The following ATP8B1 variants were observed in gnomAD, a reference collection of about 807,000 sequenced individuals.
The protein encoded by ATP8B1 is ATPase phospholipid transporting 8B1, also known as phospholipid-transporting ATPase IC.
Under a neutral mutation model 149.9 loss-of-function variants are expected in ATP8B1, and 80 were observed. The ratio of observed to expected loss-of-function variants is 0.53; its 90% confidence interval spans 0.45 to 0.64. The LOEUF is 0.64. ATP8B1 is among the 30% of genes least tolerant of loss of function. The probability of loss-of-function intolerance (pLI) is 0.00; values close to 1 mark genes in which losing one functional copy is unlikely to be tolerated. For missense variants in ATP8B1, 1,247 were observed against 1,552.6 expected (o/e 0.80, Z 3.31); for synonymous variants, 536 against 562.8 (o/e 0.95, Z 0.67).
chr18:57,674,199 T>A (rs1911433267), intron 16 of ATP8B1, among the ~76,000 whole-genome samples: 1 of 124,832 alleles, frequency 8.0e-6, no homozygotes, highest in Admixed American at 1.1e-4. Context: ...TGACCTGAGA[T>A]CGCACCACTG....
In ATP8B1 at chr18:57,802,421, A is replaced by C. The variant is rs1168864861; in HGVS notation, c.-26+577T>G. Among the ~76,000 whole-genome samples the C allele has an allele frequency of 6.6e-6, 1 of 152,146 alleles. No homozygotes were observed. Among genetic ancestry groups the C allele is most frequent in the Non-Finnish European group, 1.5e-5 (1 of 68,034 alleles). ...CCCCATCCCACAATAAAGCGCACGG[A>C]AGATGTCTGGGAGTACCTGGCCCTG... On this transcript the variant is annotated intron_variant, in intron 1 of 27. Coordinates refer to ENST00000648908, the MANE Select transcript of ATP8B1 (RefSeq NM_001374385.1). This position sits in a 1 kb window ranked among gnomAD's most constrained non-coding sequence, Gnocchi z 4.9.
At chr18:57,721,195 G>C (rs2123071831) in intron 2 of ATP8B1, among the ~76,000 whole-genome samples, 1 of 133,850 alleles carries the variant, frequency 7.5e-6, no homozygotes, top group East Asian at 2.3e-4. Flanking sequence ...CAACTAACGA[G>C]CAAAATCACC....
intron 1 of ATP8B1, among the ~76,000 whole-genome samples, chr18:57,777,601 C>T (rs951824166): frequency 4.6e-5 from 7 of 152,192 alleles, no homozygotes; most frequent in Non-Finnish European, 1.0e-4. Context: ...CAGGGTCTCA[C>T]TCTGTTGCCC....
chr18:57,750,256 G>C (rs2080003826), intron 1 of ATP8B1, among the ~76,000 whole-genome samples: 1 of 152,044 alleles, frequency 6.6e-6, no homozygotes, highest in Non-Finnish European at 1.5e-5. Flanking sequence ...AAAAGAAAAA[G>C]AATAAACTAG....
Position 57,684,049 on chromosome 18 carries a change from C to T in ATP8B1, c.1617G>A (p.Val539=). ...AGAAACACTCACCATCAGTCCTATCCACCATGACTGTGTGGCAAACTGCGA... is the reference window on the plus strand; with the variant it reads ...AGAAACACTCACCATCAGTCCTATCTACCATGACTGTGTGGCAAACTGCGA... The part of the protein sequence containing the change: ...FLLAVCHTVM[V]DRTDGQLNYQ... The change falls in exon 15 of 28, where the codon GTG becomes GTA. Residue 539 remains valine (V), a synonymous_variant. Coordinates refer to ENST00000648908, the MANE Select transcript of ATP8B1 (RefSeq NM_001374385.1). 6.2e-7 allele frequency: 1 copy of T among 1,614,140 alleles called. No homozygotes were observed. Among genetic ancestry groups the T allele is most frequent in the East Asian group, 2.2e-5 (1 of 44,872 alleles).
At position 57,695,280 on chromosome 18, in the gene ATP8B1, T is replaced by C; in HGVS notation, c.831A>G (p.Gly277=). The C allele has an allele frequency of 1.9e-6, 3 of 1,612,464 alleles. No homozygotes were observed. The highest frequency in any genetic ancestry group is 2.2e-5 in the South Asian group (2 of 91,044). The change falls in exon 10 of 28, where the codon GGA becomes GGG. Residue 277 remains glycine, a synonymous_variant. Coordinates refer to ENST00000648908, the MANE Select transcript of ATP8B1 (RefSeq NM_001374385.1). ...AACTTGTGTTTCTCCAAAATAGTGT[T>C]CCTGTAAACTTATCTAGTCTGTTAT... The part of the protein sequence containing the change: ...EPNNRLDKFT[G]TLFWRNTSFP...
At chr18:57,655,104 T>C (rs1033456323) in intron 23 of ATP8B1, 90 bp downstream of exon 23, 15 of 1,231,078 alleles carry the variant, frequency 1.2e-5, no homozygotes, top group Non-Finnish European at 1.6e-5. Flanking sequence ...ACTACAAATA[T>C]AGAAGAAATA....
rs759929934 is a variant in ATP8B1 at position 57,697,827 on chromosome 18, C to T, written c.595G>A (p.Val199Ile). 1.4e-5 allele frequency: 23 copies of T among 1,613,768 alleles called. No homozygotes were observed. Among genetic ancestry groups the T allele is most frequent in the South Asian group, 5.5e-5 (5 of 91,076 alleles). The change falls in exon 7 of 28, where the codon GTC (valine) becomes ATC (isoleucine). Residue 199 changes from valine (V) to isoleucine (I), a missense_variant. Coordinates refer to ENST00000648908, the MANE Select transcript of ATP8B1 (RefSeq NM_001374385.1). Reference protein sequence around the residue: ...AKWKEIQVGDVIRLKKNDFVP... With the variant: ...AKWKEIQVGDIIRLKKNDFVP... The stretch of plus-strand genomic sequence containing the variant: ...AAATCATTTTTTTTCAGACGAATGA[C>T]GTCTCCAACTTGAATTTCTTTCCAC...
chr18:57,678,586 CA>C (rs371560119), intron 15 of ATP8B1, among the ~76,000 whole-genome samples: 23,091 of 107,496 alleles, frequency 0.21, 2,378 homozygotes, highest in Non-Finnish European at 0.26. Flanking sequence ...GATTCTATCT[CA>C]AAAAAAAAAA....
At chr18:57,789,645 C>T (rs1395350372) in intron 1 of ATP8B1, among the ~76,000 whole-genome samples, 1 of 152,132 alleles carries the variant, frequency 6.6e-6, no homozygotes, top group Non-Finnish European at 1.5e-5. Context: ...GCCCCTTTCC[C>T]ACATCTGAGA....
rs1208379752 is a variant in ATP8B1, at chr18:57,709,960, T to C, written c.182-3373A>G. 2.0e-5 allele frequency among the ~76,000 whole-genome samples: 3 copies of C among 151,828 alleles called. No individual in the cohort carries two copies. In the South Asian group the frequency reaches 6.2e-4, roughly 32 times the overall value. ...CTCCCAAAGTGCTGGGATTACAGGC[T>C]TGAGTCACCATGCCTGGCCACTTTT... On this transcript the variant is annotated intron_variant, in intron 2 of 27. Coordinates refer to ENST00000648908, the MANE Select transcript of ATP8B1 (RefSeq NM_001374385.1).
chr18:57,694,739 A>G, intron 10 of ATP8B1, 69 bp from the exon 11 acceptor site: 2 of 1,095,898 alleles, frequency 1.8e-6, no homozygotes. Context: ...CAATAAAATT[A>G]CTCTTCTTGG....
chr18:57,679,959 C>T (rs951875509), intron 15 of ATP8B1, among the ~76,000 whole-genome samples: 2 of 151,762 alleles, frequency 1.3e-5, no homozygotes, highest in African/African-American at 4.8e-5. Context: ...ATCACTGCAC[C>T]CGGCTCACTC....
chr18:57,659,559 G>A (rs1040320962), intron 22 of ATP8B1, among the ~76,000 whole-genome samples: 13 of 151,448 alleles, frequency 8.6e-5, no homozygotes, highest in Admixed American at 4.0e-4. Context: ...TTAAAGGTAC[G>A]TAATGGAAAA....
Position 57,770,500 on chromosome 18 carries a change from G to A in ATP8B1, c.-26+32498C>T, listed in dbSNP as rs561719059. On this transcript the variant is annotated intron_variant, in intron 1 of 27. Coordinates refer to ENST00000648908, the MANE Select transcript of ATP8B1 (RefSeq NM_001374385.1). ...TCCAGTTTGGGATCTTCCTCACTCC[G>A]TGAGACACAAGGCTCCTTTCTCCTG... 8.5e-5 allele frequency among the ~76,000 whole-genome samples: 13 copies of A among 152,286 alleles called. No homozygotes were observed. In the East Asian group the frequency reaches 1.7e-3, roughly 20 times the overall value.
At chr18:57,694,558 T>C (rs1340590104) in intron 11 of ATP8B1, 24 bp downstream of exon 11, 2 of 1,406,714 alleles carry the variant, frequency 1.4e-6, no homozygotes, top group Non-Finnish European at 2.0e-6. Flanking sequence ...AGATGAGAGA[T>C]CTACTGAGAT....
At chr18:57,703,468 G>A (rs1172314745) in intron 4 of ATP8B1, among the ~76,000 whole-genome samples, 1 of 151,852 alleles carries the variant, frequency 6.6e-6, no homozygotes, top group Non-Finnish European at 1.5e-5. Context: ...TACTCAGGGG[G>A]CTGAGGCAGG....
chr18:57,710,315 T>G (rs1276826077), intron 2 of ATP8B1, among the ~76,000 whole-genome samples: 1 of 152,204 alleles, frequency 6.6e-6, no homozygotes, highest in African/African-American at 2.4e-5. Context: ...CCATGTGACA[T>G]GTGGCTTAAA....
intron 23 of ATP8B1, among the ~76,000 whole-genome samples, chr18:57,654,477 T>A (rs1317916000): frequency 6.7e-6 from 1 of 149,600 alleles, no homozygotes; most frequent in Admixed American, 6.7e-5. Context: ...CGCCACCATG[T>A]CTGGCTAATT....
Sources: allele counts gnomAD v4.1 joint callset (sites outside exome capture counted in the v4.1 genomes callset), GRCh38; gene constraint gnomAD v4.1.1; non-coding constraint Gnocchi (gnomAD v3.1); transcripts MANE v1.5; gene names NCBI Gene and HGNC (gene_info 2026-07-23, HGNC 2026-07-21).